The following GFRA1 variants were observed in gnomAD, a reference collection of about 807,000 sequenced individuals.
GFRA1 encodes GDNF family receptor alpha 1.
Under a neutral mutation model 51.6 loss-of-function variants are expected in GFRA1, and 16 were observed. That is an observed-to-expected ratio of 0.31 (90% CI 0.21 to 0.47). The LOEUF is 0.47. GFRA1 is among the 20% of genes least tolerant of loss of function. The pLI is 1.00. For synonymous variants in GFRA1, 270 were observed against 241.3 expected (o/e 1.12, Z -1.10); for missense variants, 530 against 594.3 (o/e 0.89, Z 1.13).
chr10:116,204,465 T>A (rs73372462), intron 5 of GFRA1, among the ~76,000 whole-genome samples: 3,033 of 152,320 alleles, frequency 0.02, 89 homozygotes, highest in African/African-American at 0.068. Flanking sequence ...GTTTCTTGTA[T>A]CATTCTTCAA....
At chr10:116,210,279 G>A (rs1462682325) in intron 5 of GFRA1, among the ~76,000 whole-genome samples, 1 of 152,064 alleles carries the variant, frequency 6.6e-6, no homozygotes, top group African/African-American at 2.4e-5. Context: ...CAACACACAT[G>A]TTCCAGAAAG....
At chr10:116,093,628 G>A (rs1956447150) in intron 8 of GFRA1, 74 bp downstream of exon 8, 2 of 1,323,954 alleles carry the variant, frequency 1.5e-6, no homozygotes, top group East Asian at 4.6e-5. Flanking sequence ...CAGGCACAAG[G>A]TACAAGAGGT....
intron 6 of GFRA1, among the ~76,000 whole-genome samples, chr10:116,109,761 G>C (rs1288013274): frequency 2.0e-5 from 3 of 152,164 alleles, no homozygotes; most frequent in Non-Finnish European, 4.4e-5. Context: ...TGGCCGGGAC[G>C]ACCATCATGG....
At chr10:116,194,055 T>A (rs1278554414) in intron 5 of GFRA1, among the ~76,000 whole-genome samples, 2,186 of 27,200 alleles carry the variant, frequency 0.08, 63 homozygotes, top group Middle Eastern at 0.17. Flanking sequence ...AAAAAATAAA[T>A]AAATAAAATT....
At chr10:116,204,155 T>C (rs961532785) in intron 5 of GFRA1, among the ~76,000 whole-genome samples, 4 of 152,202 alleles carry the variant, frequency 2.6e-5, no homozygotes, top group African/African-American at 9.6e-5. Flanking sequence ...TGAACCCAGG[T>C]AGACTGACCT....
chr10:116,240,579 G>A (rs543315090), intron 4 of GFRA1, among the ~76,000 whole-genome samples: 1 of 152,180 alleles, frequency 6.6e-6, no homozygotes, highest in Non-Finnish European at 1.5e-5. Context: ...GGAGTGAAAC[G>A]AAGGCCCTTA....
At chr10:116,237,555 T>C (rs1417032915) in intron 4 of GFRA1, among the ~76,000 whole-genome samples, 1 of 125,912 alleles carries the variant, frequency 7.9e-6, no homozygotes, top group African/African-American at 3.1e-5. Context: ...AATAGATTAA[T>C]GAACCAATAA....
intron 10 of GFRA1, among the ~76,000 whole-genome samples, chr10:116,065,278 G>C (rs143575008): frequency 6.6e-6 from 1 of 152,182 alleles, no homozygotes; most frequent in Non-Finnish European, 1.5e-5. Context: ...GCTATGTATC[G>C]TCTCTGTGCT....
At chr10:116,244,639 A>G (rs1365366937) in intron 4 of GFRA1, among the ~76,000 whole-genome samples, 7 of 151,914 alleles carry the variant, frequency 4.6e-5, no homozygotes. Context: ...AGTGACTAGG[A>G]GGACAGACCT....
intron 2 of GFRA1, among the ~76,000 whole-genome samples, chr10:116,271,571 A>G (rs550928032): frequency 6.6e-6 from 1 of 152,214 alleles, no homozygotes; most frequent in South Asian, 2.1e-4. Flanking sequence ...AGCCATGGTC[A>G]GCGGTCCGCC....
chr10:116,144,188 G>T (rs12775807), intron 5 of GFRA1, among the ~76,000 whole-genome samples: 5 of 151,994 alleles, frequency 3.3e-5, no homozygotes, highest in Admixed American at 3.3e-4. Flanking sequence ...TTTCTAGAAA[G>T]CTAAGTTCAT....
Position 116,270,810 on chromosome 10 carries a change from T to C in GFRA1, c.334+12A>G. 6.2e-7 allele frequency: 1 copy of C among 1,604,246 alleles called. No individual in the cohort carries two copies. Among genetic ancestry groups the C allele is most frequent in the Non-Finnish European group, 8.5e-7 (1 of 1,173,444 alleles). On this transcript the variant is annotated intron_variant, in intron 3 of 10. Coordinates refer to ENST00000355422, the MANE Select transcript of GFRA1 (RefSeq NM_005264.8). ...AGGGACACGGGGTGGGGTGGGGAGG[T>C]TCCACGCGTACCCTGCAGGCTCTGG... is the stretch of plus-strand genomic sequence containing the variant.
At chr10:116,150,631 G>A (rs1450603844) in intron 5 of GFRA1, among the ~76,000 whole-genome samples, 3 of 152,112 alleles carry the variant, frequency 2.0e-5, no homozygotes, top group African/African-American at 7.2e-5. Context: ...TATTATTTTT[G>A]CATCACTCTA....
chr10:116,148,044 G>GTGTGTGCATGCA (rs1168748217), intron 5 of GFRA1, among the ~76,000 whole-genome samples: 1 of 67,140 alleles, frequency 1.5e-5, no homozygotes, highest in African/African-American at 4.7e-5. Flanking sequence ...GTGCATGTGC[G>GTGTGTGCATGCA]TGTGTGCATG....
At chr10:116,136,665 T>C (rs4751578) in intron 5 of GFRA1, among the ~76,000 whole-genome samples, 149,322 of 152,322 alleles carry the variant, frequency 0.98, 73,267 homozygotes, top group East Asian at 1. Context: ...CTGTGTGTGC[T>C]GTGCTGAGTA....
Position 116,269,504 on chromosome 10 carries a change from T to C in GFRA1, c.417A>G (p.Ser139=). 1.3e-6 allele frequency: 2 copies of C among 1,561,934 alleles called. No homozygotes were observed. The highest frequency in any genetic ancestry group is 1.8e-6 in the Non-Finnish European group (2 of 1,132,458). Residue 139 remains serine, a splice_region_variant and synonymous_variant, in exon 4 of 11, where the codon TCA becomes TCG. Transcript: ENST00000355422. ...GCATGGAAGTATAAATCTGCTTACC[T>C]GATATGAATGGGACCACCCGGAATA... The part of the protein sequence containing the change: ...SDIFRVVPFI[S]DVFQQVEHIP...
intron 6 of GFRA1, among the ~76,000 whole-genome samples, chr10:116,104,155 C>T (rs550592288): frequency 2.6e-5 from 4 of 152,332 alleles, no homozygotes; most frequent in South Asian, 2.1e-4. Flanking sequence ...ATTAAAGCCT[C>T]GCCAACTGAT....
At chr10:116,100,631 GA>G (rs1565575443) in intron 6 of GFRA1, among the ~76,000 whole-genome samples, 1 of 152,152 alleles carries the variant, frequency 6.6e-6, no homozygotes, top group Non-Finnish European at 1.5e-5. Context: ...TTTTAAACCC[GA>G]GAAGTAACAT....
chr10:116,198,670 A>T (rs188768190), intron 5 of GFRA1, among the ~76,000 whole-genome samples: 1 of 151,858 alleles, frequency 6.6e-6, no homozygotes, highest in Non-Finnish European at 1.5e-5. Flanking sequence ...TTCCTTTTCT[A>T]TCTTCCTCAG....
Sources: gnomAD v4.1 joint callset for allele counts (sites outside exome capture counted in the v4.1 genomes callset) on GRCh38, gnomAD v4.1.1 for gene constraint, MANE v1.5 for transcripts, NCBI Gene and HGNC (gene_info 2026-07-23, HGNC 2026-07-21) for gene names.